MTCL1: variants seen among roughly 807,000 people sequenced by gnomAD.
The protein encoded by MTCL1 is microtubule cross-linking factor 1.
In MTCL1, 79 loss-of-function variants were observed where a neutral mutation model predicts 141.4. That is an observed-to-expected ratio of 0.56 (90% CI 0.47 to 0.67). The LOEUF (loss-of-function observed/expected upper bound fraction) is 0.67, where lower values mean the gene tolerates loss of function less well. Ranked by LOEUF, MTCL1 falls within the 30% of genes least tolerant of loss-of-function variation. The pLI, the probability that MTCL1 is intolerant of heterozygous loss-of-function variation, is 0.00. For missense variants in MTCL1, 2,177 were observed against 2,113.9 expected, an observed-to-expected ratio of 1.03 and a Z score of -0.59; for synonymous variants, 914 against 875.8, an observed-to-expected ratio of 1.04 and a Z score of -0.77.
At chr18:8,722,416 T>C (rs1033422569) in intron 4 of MTCL1, among the ~76,000 whole-genome samples, 2 of 152,094 alleles carry the variant, frequency 1.3e-5, no homozygotes, top group Non-Finnish European at 2.9e-5. Context: ...GAGAAAATAA[T>C]GTATATAGCT....
intron 16 of MTCL1, chr18:8,831,266 A>T (rs2144574259): frequency 9.1e-7 from 1 of 1,104,858 alleles, no homozygotes; most frequent in Admixed American, 4.6e-5. Flanking sequence ...AGATAGGAAT[A>T]TGATGAAGTG....
chr18:8,759,022 G>C (rs1411912107), intron 4 of MTCL1, among the ~76,000 whole-genome samples: 2 of 152,332 alleles, frequency 1.3e-5, no homozygotes, highest in East Asian at 3.9e-4. Context: ...AGGACAGCAG[G>C]GGGTGTGGAG....
Position 8,710,617 on chromosome 18 carries a change from T to G in MTCL1, c.1053+3904T>G, listed in dbSNP as rs184735079. Among the ~76,000 whole-genome samples the G allele has an allele frequency of 5.3e-5, 8 of 151,806 alleles. No homozygotes were observed. The East Asian group carries it at 1.3e-3, about 26-fold the overall frequency. ...AATAATTTAAAGTGATGAGTTTTTT[T>G]TTTTCACAAAAGTTTAAGGTGGTAA... On this transcript the variant is annotated intron_variant, in intron 1 of 13. Coordinates refer to the MTCL1 transcript ENST00000306329.
chr18:8,725,426 T>C (rs1334614528), intron 4 of MTCL1, among the ~76,000 whole-genome samples: 3 of 152,214 alleles, frequency 2.0e-5, no homozygotes, highest in African/African-American at 7.2e-5. Context: ...ATCTGTTAGA[T>C]TGAAGACTTC....
At chr18:8,712,301 G>A (rs2096097893) in intron 1 of MTCL1, among the ~76,000 whole-genome samples, 1 of 152,228 alleles carries the variant, frequency 6.6e-6, no homozygotes, top group African/African-American at 2.4e-5. Context: ...TTGAGTTTTG[G>A]TTTTATAGGT....
intron 12 of MTCL1, 114 bp from the exon 12 acceptor site, chr18:8,818,849 A>C: frequency 9.6e-7 from 1 of 1,043,210 alleles, no homozygotes; most frequent in Non-Finnish European, 1.4e-6. Context: ...TGCTTCTCAC[A>C]ATATTTTTCA....
At chr18:8,714,927 G>C (rs2096118390), upstream of MTCL1, among the ~76,000 whole-genome samples, 1 of 152,166 alleles carries the variant, frequency 6.6e-6, no homozygotes, top group East Asian at 1.9e-4. Flanking sequence ...CTCCCGAGTA[G>C]CTGGGACTAC....
In MTCL1 at chr18:8,756,429, A is replaced by G. The variant is rs533986303; in HGVS notation, c.358-21404A>G. 4.9e-5 allele frequency among the ~76,000 whole-genome samples: 7 copies of G among 143,866 alleles called. No individual in the cohort carries two copies. The East Asian group carries it at 1.4e-3, about 28-fold the overall frequency. The allele number at this position is 143,866 out of a possible 152,430, so 94.4% of individuals were successfully genotyped here. The stretch of plus-strand genomic sequence containing the variant: ...TGTGTGTATATGTGTATATATGTGT[A>G]TATATGTATATATGTGTATATATGT... On this transcript the variant is annotated intron_variant, in intron 4 of 16. Coordinates refer to ENST00000359865, the Ensembl canonical transcript of MTCL1.
chr18:8,813,146 G>C, exon 12 of MTCL1: 1 of 1,614,102 alleles, frequency 6.2e-7, no homozygotes, highest in Non-Finnish European at 8.5e-7. Context: ...ACTGGAACCG[G>C]GAGAAGGTGG....
intron 11 of MTCL1, among the ~76,000 whole-genome samples, chr18:8,812,105 A>G (rs1246828566): frequency 6.6e-6 from 1 of 152,088 alleles, no homozygotes. Flanking sequence ...CACTGTAACA[A>G]TTTTTGCTTT....
intron 1 of MTCL1, chr18:8,706,991 G>A: frequency 2.2e-6 from 1 of 444,768 alleles, no homozygotes; most frequent in Non-Finnish European, 3.9e-6. Flanking sequence ...TTGTTGACCT[G>A]TTGGGGCAGA....
chr18:8,828,991 A>G lies in MTCL1; in HGVS notation c.*18+27A>G, dbSNP rs369458731. ...TAAGTGCTTCCTTCCTTGTTTCCCA[A>G]CTGTCTGGAGAGGTCGTGTTGTGTA... is the stretch of plus-strand genomic sequence containing the variant. On this transcript the variant is annotated intron_variant, in intron 16 of 16. Coordinates refer to ENST00000359865, the Ensembl canonical transcript of MTCL1. The surrounding 1 kb of genome is among the most constrained non-coding windows in gnomAD (Gnocchi z 5.2). 17 of 1,613,740 alleles carry G rather than the reference A, an allele frequency of 1.1e-5. No individual in the cohort carries two copies. The highest frequency in any genetic ancestry group is 4.5e-5 in the East Asian group (2 of 44,864).
At chr18:8,727,145 T>C (rs2148846186) in intron 4 of MTCL1, among the ~76,000 whole-genome samples, 2 of 152,310 alleles carry the variant, frequency 1.3e-5, no homozygotes, top group South Asian at 4.1e-4. Flanking sequence ...TTCTTTTTTA[T>C]TGCTGCGTAG....
rs776564095 is a variant in MTCL1, at chr18:8,784,490, G to A, written c.1378G>A (p.Glu460Lys). ...TGAGTACCTAGTGACCCTAAAACAC[G>A]AGGCCCAGCGGCTAGAGCGGACGGT... is the stretch of plus-strand genomic sequence containing the variant. The change falls in exon 6 of 17, where the codon GAG becomes AAG. Residue 460 changes from glutamate to lysine, a missense_variant. Glu to Lys is a moderately conservative substitution (Grantham distance 56, BLOSUM62 1). Transcript: ENST00000359865. 123 of 1,577,582 alleles carry A rather than the reference G, an allele frequency of 7.8e-5. 1 individual carries two copies. The highest frequency in any genetic ancestry group is 2.7e-4 in the South Asian group (23 of 84,442).
chr18:8,718,491 A>G (rs565772998), exon 3 of MTCL1: 5 of 1,614,218 alleles, frequency 3.1e-6, no homozygotes, highest in Non-Finnish European at 3.4e-6. Flanking sequence ...GAAGATGTTT[A>G]CCAGCTGCAG....
In MTCL1 at chr18:8,784,700, C is replaced by A. The variant is rs535677436; in HGVS notation, c.1588C>A (p.Leu530Met). 4 of 1,614,224 alleles carry A rather than the reference C, an allele frequency of 2.5e-6. No homozygotes were observed. The African/African-American group carries it at 4.0e-5, about 16-fold the overall frequency. ...TTTCAAGAAAGAGCTGCAGGCCTTC[C>A]TGGAGCAGGTGAACCGCATTGGGGA... The change falls in exon 6 of 17, where the codon CTG (leucine) becomes ATG (methionine). Residue 530 changes from leucine to methionine, a missense_variant. Coordinates refer to ENST00000359865, the Ensembl canonical transcript of MTCL1.
intron 4 of MTCL1, among the ~76,000 whole-genome samples, chr18:8,734,088 G>A (rs1282427588): frequency 6.6e-6 from 1 of 152,034 alleles, no homozygotes; most frequent in African/African-American, 2.4e-5. Context: ...TAATCTGCTT[G>A]GAGCAGGGTT....
At chr18:8,789,828 T>A (rs139960376) in intron 7 of MTCL1, 1 of 510,434 alleles carries the variant, frequency 2.0e-6, no homozygotes, top group East Asian at 1.5e-4. Context: ...CATGTGAAAC[T>A]TTTCTCCAAA....
At chr18:8,712,191 C>G (rs2096097087) in intron 1 of MTCL1, among the ~76,000 whole-genome samples, 1 of 152,164 alleles carries the variant, frequency 6.6e-6, no homozygotes, top group Admixed American at 6.5e-5. Flanking sequence ...TCAGTTATTT[C>G]ATAGGAAATA....
Sources: allele counts gnomAD v4.1 joint callset (sites outside exome capture counted in the v4.1 genomes callset), GRCh38; gene constraint gnomAD v4.1.1; non-coding constraint Gnocchi (gnomAD v3.1); transcripts MANE v1.5; gene names NCBI Gene and HGNC (gene_info 2026-07-23, HGNC 2026-07-21).